SEM1: variants seen among roughly 807,000 people sequenced by gnomAD.
SEM1 encodes SEM1 26S proteasome subunit.
In SEM1, 3 loss-of-function variants were observed where a neutral mutation model predicts 12.7. The observed-to-expected ratio is 0.24, with a 90% CI of 0.11 to 0.61. The LOEUF (loss-of-function observed/expected upper bound fraction) is 0.61, where lower values mean the gene tolerates loss of function less well. Ranked by LOEUF, SEM1 falls within the 20% of genes least tolerant of loss-of-function variation. The probability of loss-of-function intolerance (pLI) is 0.88; values close to 1 mark genes in which losing one functional copy is unlikely to be tolerated. For missense variants in SEM1, 59 were observed against 81.3 expected (o/e 0.73, Z 1.06); for synonymous variants, 30 against 27.8 (o/e 1.08, Z -0.25).
At chr7:96,582,600 C>T (rs982327931) in intron 2 of SEM1, among the ~76,000 whole-genome samples, 1 of 152,184 alleles carries the variant, frequency 6.6e-6, no homozygotes, top group Non-Finnish European at 1.5e-5. Context: ...TCTGTCTGGT[C>T]CTAGACTCTT....
intron 2 of SEM1, among the ~76,000 whole-genome samples, chr7:96,520,749 C>T (rs1451942410): frequency 6.6e-6 from 1 of 152,100 alleles, no homozygotes; most frequent in African/African-American, 2.4e-5. Context: ...TGTCTGTGTT[C>T]CAGCATCTGC....
intron 3 of SEM1, among the ~76,000 whole-genome samples, chr7:96,501,792 G>A (rs1424870807): frequency 6.6e-6 from 1 of 152,038 alleles, no homozygotes; most frequent in Non-Finnish European, 1.5e-5. Context: ...GCATAATGCC[G>A]ATGTTTGGGG....
chr7:96,502,489 A>T (rs1803600065), intron 3 of SEM1, among the ~76,000 whole-genome samples: 1 of 152,158 alleles, frequency 6.6e-6, no homozygotes, highest in Non-Finnish European at 1.5e-5. Context: ...CAGCATATAA[A>T]TTTAATTCTC....
At chr7:96,597,725 C>T (rs1202674655) in intron 2 of SEM1, among the ~76,000 whole-genome samples, 1 of 151,678 alleles carries the variant, frequency 6.6e-6, no homozygotes, top group Non-Finnish European at 1.5e-5. Flanking sequence ...CACATGCACA[C>T]ACACATAGTC....
At chr7:96,550,644 T>C (rs560723335) in intron 2 of SEM1, among the ~76,000 whole-genome samples, 1 of 152,196 alleles carries the variant, frequency 6.6e-6, no homozygotes, top group Non-Finnish European at 1.5e-5. Flanking sequence ...TTATTTGCTT[T>C]TAAAAATAAA....
chr7:96,561,659 A>G (rs927320151), intron 2 of SEM1, among the ~76,000 whole-genome samples: 1 of 152,126 alleles, frequency 6.6e-6, no homozygotes, highest in African/African-American at 2.4e-5. Flanking sequence ...ATATTTAAAT[A>G]TTTTCACTTA....
intron 2 of SEM1, among the ~76,000 whole-genome samples, chr7:96,659,190 A>G (rs902101021): frequency 1.3e-5 from 2 of 152,224 alleles, no homozygotes; most frequent in Non-Finnish European, 2.9e-5. Flanking sequence ...AAAATAAAAA[A>G]GAAATCCACA....
At chr7:96,620,340 C>A (rs936665222), downstream of SEM1, among the ~76,000 whole-genome samples, 1 of 152,160 alleles carries the variant, frequency 6.6e-6, no homozygotes, top group Non-Finnish European at 1.5e-5. Flanking sequence ...CCCAGCCTCT[C>A]CCTCTGTCTC....
chr7:96,628,089 C>CT (rs1279409069), intron 2 of SEM1, among the ~76,000 whole-genome samples: 1 of 151,924 alleles, frequency 6.6e-6, no homozygotes, highest in Admixed American at 6.6e-5. Flanking sequence ...TATTCTTACT[C>CT]TTTTTTTGTT....
chr7:96,699,085 A>G (rs1468758013), intron 1 of SEM1, among the ~76,000 whole-genome samples: 1 of 152,066 alleles, frequency 6.6e-6, no homozygotes, highest in African/African-American at 2.4e-5. Context: ...ATTCTGATCT[A>G]CCCTTCAAAT....
chr7:96,698,127 T>G (rs932257083), intron 1 of SEM1, among the ~76,000 whole-genome samples: 1 of 152,158 alleles, frequency 6.6e-6, no homozygotes, highest in African/African-American at 2.4e-5. Context: ...AATAACTTCA[T>G]AATCATTCAT....
intron 2 of SEM1, among the ~76,000 whole-genome samples, chr7:96,596,382 A>T (rs1396999029): frequency 6.6e-6 from 1 of 152,214 alleles, no homozygotes; most frequent in Non-Finnish European, 1.5e-5. Context: ...TTAGGTGTGA[A>T]GCAAGGAGAA....
At chr7:96,691,981 C>T (rs1249648447) in intron 2 of SEM1, among the ~76,000 whole-genome samples, 1 of 152,106 alleles carries the variant, frequency 6.6e-6, no homozygotes, top group Non-Finnish European at 1.5e-5. Context: ...ATGGAGGCAT[C>T]AAGATTTATA....
At chr7:96,669,542 A>T (rs533602896), downstream of SEM1, among the ~76,000 whole-genome samples, 5 of 152,334 alleles carry the variant, frequency 3.3e-5, no homozygotes, top group Admixed American at 3.3e-4. Context: ...GCAGGGGGCT[A>T]GATTTTGTCT....
At chr7:96,572,934 T>C (rs1367284112) in intron 2 of SEM1, among the ~76,000 whole-genome samples, 1 of 152,182 alleles carries the variant, frequency 6.6e-6, no homozygotes, top group Non-Finnish European at 1.5e-5. Context: ...TTTGTAGGTC[T>C]CTAAGAACAT....
chr7:96,552,853 C>T (rs1454920625), intron 2 of SEM1, among the ~76,000 whole-genome samples: 2 of 150,100 alleles, frequency 1.3e-5, no homozygotes, highest in Non-Finnish European at 3.0e-5. Flanking sequence ...CTCTCCAGCA[C>T]CTGTTGTTTC....
chr7:96,573,142 A>G (rs1806093618), intron 2 of SEM1, among the ~76,000 whole-genome samples: 2 of 150,826 alleles, frequency 1.3e-5, no homozygotes, highest in Non-Finnish European at 3.0e-5. Flanking sequence ...TTTGCTTGGT[A>G]AATATTCCTC....
chr7:96,660,477 C>A (rs528563039), intron 2 of SEM1, among the ~76,000 whole-genome samples: 139 of 152,136 alleles, frequency 9.1e-4, no homozygotes, highest in Non-Finnish European at 1.8e-3. Flanking sequence ...TATATAAGTA[C>A]CACTCTGAAC....
chr7:96,519,922 G>A (rs1156400627), intron 2 of SEM1, among the ~76,000 whole-genome samples: 2 of 152,014 alleles, frequency 1.3e-5, no homozygotes, highest in African/African-American at 2.4e-5. Flanking sequence ...GAAAGAAGAC[G>A]GGGGAAAGAA....
Sources: allele counts gnomAD v4.1 joint callset (sites outside exome capture counted in the v4.1 genomes callset), GRCh38; gene constraint gnomAD v4.1.1; transcripts MANE v1.5; gene names NCBI Gene and HGNC (gene_info 2026-07-23, HGNC 2026-07-21).